CTNNA2: variants seen among roughly 807,000 people sequenced by gnomAD.
The protein encoded by CTNNA2 is catenin alpha 2, also known as catenin alpha-2.
In CTNNA2, 42 loss-of-function variants were observed where a neutral mutation model predicts 101.0. The ratio of observed to expected loss-of-function variants is 0.42; its 90% CI spans 0.32 to 0.54. CTNNA2 has a LOEUF of 0.54. Ranked by LOEUF, CTNNA2 falls within the 20% of genes least tolerant of loss-of-function variation. The pLI is 0.14. For synonymous variants in CTNNA2, 450 were observed against 456.4 expected (o/e 0.99, Z 0.18); for missense variants, 871 against 1,223.1 (o/e 0.71, Z 4.29).
At chr2:80,036,986 A>T (rs1695710619) in intron 7 of CTNNA2, among the ~76,000 whole-genome samples, 1 of 152,090 alleles carries the variant, frequency 6.6e-6, no homozygotes. Context: ...GATCATATAG[A>T]TATTGGAAAG....
At chr2:80,556,344 A>C (rs1693023716) in intron 12 of CTNNA2, among the ~76,000 whole-genome samples, 1 of 152,202 alleles carries the variant, frequency 6.6e-6, no homozygotes, top group Non-Finnish European at 1.5e-5. Flanking sequence ...ATAGGACCTT[A>C]AGGAAGAACT....
At chr2:79,736,702 A>G (rs775745083) in intron 2 of CTNNA2, among the ~76,000 whole-genome samples, 51 of 152,152 alleles carry the variant, frequency 3.4e-4, no homozygotes, top group Admixed American at 9.2e-4. Flanking sequence ...TGTGGCAGCA[A>G]TTGAAGCCTT....
At chr2:80,086,582 C>T (rs1699450467) in intron 7 of CTNNA2, among the ~76,000 whole-genome samples, 1 of 151,982 alleles carries the variant, frequency 6.6e-6, no homozygotes, top group African/African-American at 2.4e-5. Context: ...GGAATTGGGC[C>T]TAGGCTTTAT....
chr2:80,247,031 T>G (rs538884156), intron 7 of CTNNA2, among the ~76,000 whole-genome samples: 3 of 152,158 alleles, frequency 2.0e-5, no homozygotes, highest in Non-Finnish European at 2.9e-5. Flanking sequence ...TGATAGAATG[T>G]CGTTTAGTGA....
intron 7 of CTNNA2, among the ~76,000 whole-genome samples, chr2:80,348,889 AG>A (rs1427760959): frequency 6.6e-6 from 1 of 152,146 alleles, no homozygotes; most frequent in Non-Finnish European, 1.5e-5. Flanking sequence ...CTTCACTAAG[AG>A]CTGCTGCTCT....
chr2:80,624,164 A>C (rs2149813532), intron 18 of CTNNA2, among the ~76,000 whole-genome samples: 1 of 152,060 alleles, frequency 6.6e-6, no homozygotes, highest in Non-Finnish European at 1.5e-5. Flanking sequence ...TAGGGGCAAT[A>C]ATCCAGAGTA....
At chr2:79,442,461 T>G (rs2104519537) in intron 4 of CTNNA2, among the ~76,000 whole-genome samples, 1 of 152,322 alleles carries the variant, frequency 6.6e-6, no homozygotes, top group African/African-American at 2.4e-5. Flanking sequence ...TCCTCATTTT[T>G]GAAATTTGGC....
At chr2:80,136,406 G>A (rs1164025954) in intron 7 of CTNNA2, among the ~76,000 whole-genome samples, 1 of 152,156 alleles carries the variant, frequency 6.6e-6, no homozygotes, top group Non-Finnish European at 1.5e-5. Context: ...GTCAACCATT[G>A]CCAATGCTAA....
chr2:80,053,768 G>C (rs1697034542), intron 7 of CTNNA2, among the ~76,000 whole-genome samples: 1 of 152,134 alleles, frequency 6.6e-6, no homozygotes, highest in Non-Finnish European at 1.5e-5. Context: ...ACAATCTTCT[G>C]TTCACACAGT....
At chr2:80,614,986 T>A in intron 17 of CTNNA2, among the ~76,000 whole-genome samples, 1 of 151,380 alleles carries the variant, frequency 6.6e-6, no homozygotes, top group East Asian at 1.9e-4. Flanking sequence ...TGATTTTTTT[T>A]TTCTTGTTTC....
chr2:80,318,716 A>G (rs4600687), intron 7 of CTNNA2, among the ~76,000 whole-genome samples: 12,666 of 152,218 alleles, frequency 0.083, 711 homozygotes, highest in East Asian at 0.16. Context: ...ATAGACTGAG[A>G]CAGAGTAAAT....
At chr2:79,340,833 C>CAAAAAAAA (rs56276462) in intron 3 of CTNNA2, among the ~76,000 whole-genome samples, 17 of 32,496 alleles carry the variant, frequency 5.2e-4, no homozygotes, top group Non-Finnish European at 7.0e-4. Flanking sequence ...GACTCAGTCT[C>CAAAAAAAA]AAAAAAAAAA....
intron 7 of CTNNA2, among the ~76,000 whole-genome samples, chr2:80,100,505 A>G (rs896037069): frequency 6.6e-6 from 1 of 152,170 alleles, no homozygotes; most frequent in Non-Finnish European, 1.5e-5. Context: ...AACGTCTTCA[A>G]GCATTTTCTA....
chr2:79,777,222 A>C (rs1472143496), intron 3 of CTNNA2: 1 of 152,090 alleles, frequency 6.6e-6, no homozygotes, highest in East Asian at 1.9e-4. Context: ...TGGGGCCCCT[A>C]CCTGGAAAAT....
chr2:79,246,878 T>C (rs913929589), intron 2 of CTNNA2, among the ~76,000 whole-genome samples: 1 of 152,342 alleles, frequency 6.6e-6, no homozygotes, highest in Middle Eastern at 3.4e-3. Flanking sequence ...GTAGAGGATG[T>C]ACAATAACTG....
intron 1 of CTNNA2, among the ~76,000 whole-genome samples, chr2:79,643,145 C>T (rs1680571368): frequency 1.3e-5 from 2 of 151,960 alleles, no homozygotes; most frequent in African/African-American, 4.8e-5. Flanking sequence ...GAGCCTAGAT[C>T]GTGCCGCTTC....
chr2:79,585,801 A>G (rs1676448799), intron 1 of CTNNA2, among the ~76,000 whole-genome samples: 1 of 150,312 alleles, frequency 6.7e-6, no homozygotes, highest in African/African-American at 2.5e-5. Flanking sequence ...TCTACATTGC[A>G]GGTCCCTTCA....
intron 6 of CTNNA2, among the ~76,000 whole-genome samples, chr2:79,898,443 A>G: frequency 6.6e-6 from 1 of 151,962 alleles, no homozygotes; most frequent in East Asian, 1.9e-4. Context: ...CCGGTCTTAG[A>G]TTATATTGAT....
intron 6 of CTNNA2, among the ~76,000 whole-genome samples, chr2:79,875,036 A>G (rs1456849217): frequency 4.6e-5 from 7 of 152,198 alleles, no homozygotes; most frequent in South Asian, 2.1e-4. Flanking sequence ...ACATTGCCCT[A>G]TGATCCCACA....
Sources: allele counts gnomAD v4.1 joint callset (sites outside exome capture counted in the v4.1 genomes callset), GRCh38; gene constraint gnomAD v4.1.1; transcripts MANE v1.5; gene names NCBI Gene and HGNC (gene_info 2026-07-23, HGNC 2026-07-21).